Variants in TRAF3IP1 observed in about 807,000 individuals in gnomAD.
The protein encoded by TRAF3IP1 is TRAF3-interacting protein 1.
Under a neutral mutation model 89.9 loss-of-function variants are expected in TRAF3IP1, and 53 were observed. That is an observed-to-expected ratio of 0.59 (90% CI 0.47 to 0.74). The LOEUF is 0.74. Ranked by LOEUF, TRAF3IP1 falls within the 30% of genes least tolerant of loss-of-function variation. TRAF3IP1 has a pLI of 0.00. For synonymous variants in TRAF3IP1, 311 were observed against 322.1 expected (o/e 0.97, Z 0.37); for missense variants, 806 against 866.1 (o/e 0.93, Z 0.87).
In TRAF3IP1 at chr2:238,361,744, T is replaced by C. The variant is rs116130212; in HGVS notation, c.1689+5664T>C. Among the ~76,000 whole-genome samples the C allele has an allele frequency of 1.7e-3, 258 of 152,338 alleles. 2 individuals are homozygous for C. Among genetic ancestry groups the C allele is most frequent in the African/African-American group, 5.9e-3 (246 of 41,580 alleles). On this transcript the variant is annotated intron_variant, in intron 15 of 16. Transcript: ENST00000373327. ...GTTGTCTTGATTGTGAGTAAGTCTT[T>C]ATGGCTTTATATAATTGTGGGATCA... is the stretch of plus-strand genomic sequence containing the variant.
In TRAF3IP1 at chr2:238,366,952, G is replaced by A. The variant is rs182124220; in HGVS notation, c.1689+10872G>A. Among the ~76,000 whole-genome samples, 209 of 151,694 alleles carry A rather than the reference G, an allele frequency of 1.4e-3. 3 individuals carry two copies. Among genetic ancestry groups the A allele is most frequent in the African/African-American group, 4.8e-3 (198 of 41,344 alleles). Reference sequence around the variant, plus strand: ...GCCGAGGCGGGCAGATCACGAAGTCGGGAGATTGAGACCATCCTGGCTAAC... The same window carrying A: ...GCCGAGGCGGGCAGATCACGAAGTCAGGAGATTGAGACCATCCTGGCTAAC... On this transcript the variant is annotated intron_variant, in intron 15 of 16. Transcript: ENST00000373327.
intron 15 of TRAF3IP1, among the ~76,000 whole-genome samples, chr2:238,368,304 T>C (rs1699970689): frequency 4.6e-5 from 7 of 152,218 alleles, no homozygotes; most frequent in Admixed American, 4.6e-4. Context: ...AGGGGATATT[T>C]TAGAGTAAAG....
intron 15 of TRAF3IP1, among the ~76,000 whole-genome samples, chr2:238,364,155 T>C (rs924950731): frequency 1.1e-4 from 17 of 152,192 alleles, no homozygotes; most frequent in African/African-American, 3.9e-4. Flanking sequence ...ATACTTTTTA[T>C]TTTTTTGGAG....
chr2:238,395,071 A>G lies in TRAF3IP1; in HGVS notation c.1690-2388A>G, dbSNP rs142087239. Among the ~76,000 whole-genome samples the G allele has an allele frequency of 2.7e-3, 416 of 152,268 alleles. 2 individuals carry two copies. Among genetic ancestry groups the G allele is most frequent in the African/African-American group, 9.5e-3 (393 of 41,548 alleles). Reference sequence around the variant, plus strand: ...GGGGGGTGTCCAGGGAGGGCTTCCTAAAGAAACAGTGTTGCAGGGCATGAT... The same window carrying G: ...GGGGGGTGTCCAGGGAGGGCTTCCTGAAGAAACAGTGTTGCAGGGCATGAT... On this transcript the variant is annotated intron_variant, in intron 15 of 16. Coordinates refer to ENST00000373327, the MANE Select transcript of TRAF3IP1 (RefSeq NM_015650.4).
intron 15 of TRAF3IP1, among the ~76,000 whole-genome samples, chr2:238,381,141 A>ATTTTTTTTTTTTTTTT (rs148374609): frequency 1.5e-5 from 2 of 133,088 alleles, no homozygotes; most frequent in Non-Finnish European, 3.2e-5. Flanking sequence ...TTATTTATTT[A>ATTTTTTTTTTTTTTTT]TTTTTTTTTT....
chr2:238,371,879 G>T (rs1475724489), intron 15 of TRAF3IP1, among the ~76,000 whole-genome samples: 1 of 151,852 alleles, frequency 6.6e-6, no homozygotes, highest in African/African-American at 2.4e-5. Flanking sequence ...ATTAAATTAC[G>T]TATATGGCTT....
At chr2:238,335,256 C>T (rs1261156831) in intron 7 of TRAF3IP1, among the ~76,000 whole-genome samples, 4 of 152,096 alleles carry the variant, frequency 2.6e-5, no homozygotes, top group Non-Finnish European at 4.4e-5. Context: ...TGTGCTTTAT[C>T]ATACATTTTT....
In TRAF3IP1 at chr2:238,328,998, G is replaced by T. The variant is rs1282550270; in HGVS notation, c.571G>T (p.Asp191Tyr). The change falls in exon 5 of 17, where the codon GAC becomes TAC. Residue 191 changes from aspartate (D) to tyrosine (Y), a missense_variant. Transcript: ENST00000373327. ...DRKQKEELKE[D>Y]RKPREKDKDK... ...AAAACAGAAGGAAGAATTGAAAGAA[G>T]ACCGCAAGCCAAGAGAAAAGGACAA... The T allele has an allele frequency of 6.4e-7, 1 of 1,551,404 alleles. No individual in the cohort carries two copies.
chr2:238,368,143 G>T (rs1699966047), intron 15 of TRAF3IP1, among the ~76,000 whole-genome samples: 1 of 152,152 alleles, frequency 6.6e-6, no homozygotes, highest in Non-Finnish European at 1.5e-5. Context: ...GCAGCTTCCA[G>T]TGAAGAGCTA....
intron 15 of TRAF3IP1, among the ~76,000 whole-genome samples, chr2:238,381,147 T>A (rs1168373565): frequency 2.0e-5 from 3 of 151,106 alleles, no homozygotes; most frequent in African/African-American, 4.8e-5. Context: ...ATTTATTTTT[T>A]TTTTTTTCAG....
Position 238,335,837 on chromosome 2 carries a change from G to A in TRAF3IP1, c.1063+1802G>A, listed in dbSNP as rs572962042. Among the ~76,000 whole-genome samples, 3 of 151,274 alleles carry A rather than the reference G, an allele frequency of 2.0e-5. No individual in the cohort carries two copies. The East Asian group carries it at 5.8e-4, about 29-fold the overall frequency. On this transcript the variant is annotated intron_variant, in intron 7 of 16. Coordinates refer to ENST00000373327, the MANE Select transcript of TRAF3IP1 (RefSeq NM_015650.4). ...TTATTTTGAGACGGAGTCTCACTCT[G>A]TTGCCAGACTGGAGTGCAGTGGCGC...
At chr2:238,389,851 G>C (rs1398138656) in intron 15 of TRAF3IP1, among the ~76,000 whole-genome samples, 1 of 151,946 alleles carries the variant, frequency 6.6e-6, no homozygotes, top group Non-Finnish European at 1.5e-5. Context: ...GTATTTATAT[G>C]ACTTATAATC....
chr2:238,351,872 C>T lies in TRAF3IP1; in HGVS notation c.1452-955C>T, dbSNP rs2572859. Among the ~76,000 whole-genome samples, 35 of 145,396 alleles carry T rather than the reference C, an allele frequency of 2.4e-4. No homozygotes were observed. The highest frequency in any genetic ancestry group is 8.9e-4 in the African/African-American group (32 of 36,136). Reference sequence around the variant, plus strand: ...GTGTGTGTGTGTGTGTGTGTGCGCGCGCGCGCGTGTGCGTGCATGTGCTTG... The same window carrying T: ...GTGTGTGTGTGTGTGTGTGTGCGCGTGCGCGCGTGTGCGTGCATGTGCTTG... On this transcript the variant is annotated intron_variant, in intron 12 of 16. Transcript: ENST00000373327. This position sits in a 1 kb window ranked among gnomAD's most constrained non-coding sequence, Gnocchi z 5.2.
chr2:238,371,043 C>T (rs960541744), intron 15 of TRAF3IP1, among the ~76,000 whole-genome samples: 17 of 152,222 alleles, frequency 1.1e-4, no homozygotes, highest in Non-Finnish European at 1.9e-4. Flanking sequence ...GGACATTTGT[C>T]GTTTGGACAG....
intron 14 of TRAF3IP1, among the ~76,000 whole-genome samples, chr2:238,353,687 T>C (rs977098877): frequency 6.6e-6 from 1 of 152,164 alleles, no homozygotes; most frequent in African/African-American, 2.4e-5. Flanking sequence ...TCTCACAATA[T>C]GACTTTGTTT....
chr2:238,366,149 G>T (rs552234279), intron 15 of TRAF3IP1, among the ~76,000 whole-genome samples: 4 of 151,950 alleles, frequency 2.6e-5, no homozygotes, highest in African/African-American at 9.7e-5. Context: ...GGAGAATGGC[G>T]TGAACCTGGG....
chr2:238,320,616 C>A lies in TRAF3IP1; in HGVS notation c.-47C>A, dbSNP rs1574880299. The A allele has an allele frequency of 3.3e-6, 4 of 1,228,718 alleles. No homozygotes were observed. The highest frequency in any genetic ancestry group is 4.3e-5 in the East Asian group (1 of 23,390). The allele number at this position is 1,228,718 out of a possible 1,614,324, so 76.1% of individuals were successfully genotyped here. ...CCAGGGACCCGGGCTTAGGCTCGGC[C>A]AGGCCGGCTGAGGGGCGCGGGCGGC... On this transcript the variant is annotated 5_prime_UTR_variant, in exon 1 of 17. Coordinates refer to ENST00000373327, the MANE Select transcript of TRAF3IP1 (RefSeq NM_015650.4).
At chr2:238,326,242 C>T (rs1003619752) in intron 3 of TRAF3IP1, among the ~76,000 whole-genome samples, 1 of 152,246 alleles carries the variant, frequency 6.6e-6, no homozygotes, top group Non-Finnish European at 1.5e-5. Context: ...CACACTGTGC[C>T]TGGCTGGAGG....
chr2:238,384,749 A>G (rs1222042897), intron 15 of TRAF3IP1, among the ~76,000 whole-genome samples: 1 of 152,076 alleles, frequency 6.6e-6, no homozygotes, highest in Non-Finnish European at 1.5e-5. Context: ...TAGAGATTTC[A>G]TTTCAGCAAA....
Sources: gnomAD v4.1 joint callset for allele counts (sites outside exome capture counted in the v4.1 genomes callset) on GRCh38, gnomAD v4.1.1 for gene constraint, Gnocchi (gnomAD v3.1) non-coding constraint, MANE v1.5 for transcripts, NCBI Gene and HGNC (gene_info 2026-07-23, HGNC 2026-07-21) for gene names.